PCDHGB1: variants seen among roughly 807,000 people sequenced by gnomAD.
PCDHGB1 encodes the protein protocadherin gamma subfamily B, 1, also known as protocadherin gamma-B1.
PCDHGB1 carries 34 observed loss-of-function variants against 56.6 expected under a neutral mutation model. The ratio of observed to expected loss-of-function variants is 0.60; its 90% CI spans 0.46 to 0.80. PCDHGB1 has a LOEUF of 0.80. Ranked by LOEUF, PCDHGB1 falls within the 30% of genes least tolerant of loss-of-function variation. PCDHGB1 has a pLI of 0.00. For missense variants in PCDHGB1, 1,278 were observed against 1,204.6 expected (o/e 1.06, Z -0.90); for synonymous variants, 561 against 505.9 (o/e 1.11, Z -1.46).
chr5:141,355,215 T>C (rs759941889), intron 1 of PCDHGB1: 19 of 1,603,386 alleles, frequency 1.2e-5, no homozygotes, highest in Non-Finnish European at 1.5e-5. Context: ...CGGCGCCTCC[T>C]GCTCGCCCAG....
chr5:141,510,837 GTCAAGGCCCAGGGTGC>G, intron 3 of PCDHGB1, 94 bp from the exon 4 acceptor site: 1 of 1,586,392 alleles, frequency 6.3e-7, no homozygotes, highest in Non-Finnish European at 8.6e-7. Flanking sequence ...GCTCAGCGTG[GTCAAGGCCCAGGGTGC>G]TGTATAGGCA....
chr5:141,404,551 G>C (rs764332245), intron 1 of PCDHGB1: 1 of 1,613,866 alleles, frequency 6.2e-7, no homozygotes, highest in Non-Finnish European at 8.5e-7. Flanking sequence ...TGCAGGTGAC[G>C]GCAAGTGACA....
intron 1 of PCDHGB1, among the ~76,000 whole-genome samples, chr5:141,494,447 G>C (rs1413012155): frequency 6.6e-6 from 1 of 152,118 alleles, no homozygotes. Context: ...GCCACTTTAG[G>C]GGGCTTTGTC....
At chr5:141,387,772 T>G in intron 1 of PCDHGB1, 1 of 1,442,780 alleles carries the variant, frequency 6.9e-7, no homozygotes, top group Non-Finnish European at 9.2e-7. Flanking sequence ...GAATTTTTTC[T>G]TGAACTGGAA....
intron 1 of PCDHGB1, among the ~76,000 whole-genome samples, chr5:141,369,573 C>T (rs12188189): frequency 0.047 from 7,089 of 152,168 alleles, 244 homozygotes; most frequent in Admixed American, 0.083. Flanking sequence ...GAAAAGAGAC[C>T]CTCTTGCTTT....
At chr5:141,410,337 C>T (rs1196366344) in intron 1 of PCDHGB1, 1 of 1,613,930 alleles carries the variant, frequency 6.2e-7, no homozygotes, top group Non-Finnish European at 8.5e-7. Context: ...CTGGCCATTG[C>T]CTTGCGCCTG....
chr5:141,374,887 C>G lies in PCDHGB1; in HGVS notation c.2409+22218C>G, dbSNP rs1248527882. On this transcript the variant is annotated intron_variant, in intron 1 of 3. Coordinates refer to ENST00000523390, the MANE Select transcript of PCDHGB1 (RefSeq NM_018922.3). Reference sequence around the variant, plus strand: ...CAGTGTTGGCAGTGACTGCCACCGACCAGGATGAAGGAGTCCACGGGGAAG... The same window carrying G: ...CAGTGTTGGCAGTGACTGCCACCGAGCAGGATGAAGGAGTCCACGGGGAAG... The G allele has an allele frequency of 1.9e-6, 3 of 1,613,670 alleles. No individual in the cohort carries two copies. In the African/African-American group the frequency reaches 4.0e-5, roughly 22 times the overall value.
intron 1 of PCDHGB1, among the ~76,000 whole-genome samples, chr5:141,450,322 T>A (rs1246284108): frequency 6.6e-6 from 1 of 152,106 alleles, no homozygotes; most frequent in African/African-American, 2.4e-5. Context: ...CTAGTTGCCA[T>A]GTCTCTTTAA....
intron 1 of PCDHGB1, among the ~76,000 whole-genome samples, chr5:141,362,886 T>G (rs1180518860): frequency 1.3e-5 from 2 of 152,256 alleles, no homozygotes; most frequent in Non-Finnish European, 2.9e-5. Context: ...CAAATTTTAG[T>G]TTTACTTCCT....
intron 1 of PCDHGB1, among the ~76,000 whole-genome samples, chr5:141,447,234 G>T (rs534523483): frequency 9.9e-4 from 150 of 152,170 alleles, no homozygotes; most frequent in Non-Finnish European, 1.8e-3. Flanking sequence ...CCGCCTCCCG[G>T]GTTCAAGTGA....
chr5:141,419,216 G>C, intron 1 of PCDHGB1: 3 of 1,613,886 alleles, frequency 1.9e-6, no homozygotes, highest in Admixed American at 1.7e-5. Flanking sequence ...GCCGGTTTTC[G>C]GACAGTCAGC....
At chr5:141,399,194 C>G in intron 1 of PCDHGB1, 1 of 1,613,838 alleles carries the variant, frequency 6.2e-7, no homozygotes, top group Non-Finnish European at 8.5e-7. Context: ...CTGGAAAACG[C>G]GGTGCCTGGA....
intron 1 of PCDHGB1, chr5:141,376,429 G>A (rs1213536945): frequency 1.9e-5 from 31 of 1,614,088 alleles, no homozygotes; most frequent in Non-Finnish European, 2.5e-5. Context: ...TTATCAACCA[G>A]GAGAGCTATG....
At chr5:141,480,033 C>T (rs370321166) in intron 1 of PCDHGB1, among the ~76,000 whole-genome samples, 1 of 152,106 alleles carries the variant, frequency 6.6e-6, no homozygotes, top group African/African-American at 2.4e-5. Flanking sequence ...AAGCCTCTTC[C>T]TCATATGCAA....
intron 1 of PCDHGB1, chr5:141,391,586 AAT>A (rs1412247634): frequency 6.6e-6 from 1 of 152,234 alleles, no homozygotes; most frequent in Non-Finnish European, 1.5e-5. Flanking sequence ...TTCACAGGAA[AAT>A]ATAAAGTTTT....
At position 141,431,423 on chromosome 5, in the gene PCDHGB1, C is replaced by T; in HGVS notation, c.2410-63384C>T. The T allele has an allele frequency of 3.1e-6, 5 of 1,613,670 alleles. No individual in the cohort carries two copies. Among genetic ancestry groups the T allele is most frequent in the Non-Finnish European group, 4.2e-6 (5 of 1,180,030 alleles). ...GGCCTCCGACGGGGGCGACCCGGTG[C>T]GCACAGGCACCGCGCGCATCCGCGT... On this transcript the variant is annotated intron_variant, in intron 1 of 3. Coordinates refer to ENST00000523390, the MANE Select transcript of PCDHGB1 (RefSeq NM_018922.3). This position sits in a 1 kb window ranked among gnomAD's most constrained non-coding sequence, Gnocchi z 4.8.
At position 141,487,270 on chromosome 5, in the gene PCDHGB1, A is replaced by T. The variant is rs777469322; in HGVS notation, c.2410-7537A>T. 6.2e-7 allele frequency: 1 copy of T among 1,614,046 alleles called. No homozygotes were observed. Among genetic ancestry groups the T allele is most frequent in the South Asian group, 1.1e-5 (1 of 91,076 alleles). On this transcript the variant is annotated intron_variant, in intron 1 of 3. Transcript: ENST00000523390. The surrounding 1 kb of genome is among the most constrained non-coding windows in gnomAD (Gnocchi z 5.0). ...TCTACTTGGCTGTGTCCCTAGTGGC[A>T]ATTTGCTTTGTCTCCTTTGGCTCAT... is the stretch of plus-strand genomic sequence containing the variant.
chr5:141,371,120 T>C, intron 1 of PCDHGB1: 1 of 1,613,974 alleles, frequency 6.2e-7, no homozygotes, highest in Non-Finnish European at 8.5e-7. Flanking sequence ...CCCCAGTATT[T>C]ACTCAGGACA....
rs532216579 is a variant in PCDHGB1, at chr5:141,419,369, T to G, written c.2409+66700T>G. 631 of 1,613,750 alleles carry G rather than the reference T, an allele frequency of 3.9e-4. 5 individuals carry two copies. In the East Asian group the frequency reaches 0.013, roughly 33 times the overall value. On this transcript the variant is annotated intron_variant, in intron 1 of 3. Coordinates refer to ENST00000523390, the MANE Select transcript of PCDHGB1 (RefSeq NM_018922.3). ...CCTGGAGTCACGAACGCTGTCGTCC[T>G]ACGTGTCCGTGAGCGCGCAGAGCGG...
Sources: allele counts gnomAD v4.1 joint callset (sites outside exome capture counted in the v4.1 genomes callset), GRCh38; gene constraint gnomAD v4.1.1; non-coding constraint Gnocchi (gnomAD v3.1); transcripts MANE v1.5; gene names NCBI Gene and HGNC (gene_info 2026-07-23, HGNC 2026-07-21).